The following GABBR2 variants were observed in gnomAD, a reference collection of about 807,000 sequenced individuals.
The protein encoded by GABBR2 is gamma-aminobutyric acid type B receptor subunit 2, also known as G-protein coupled receptor 51.
A neutral mutation model predicts 105.6 loss-of-function variants in GABBR2; 23 were observed. That is an observed-to-expected ratio of 0.22 (90% confidence interval 0.16 to 0.31). The LOEUF (loss-of-function observed/expected upper bound fraction) is 0.31, where lower values mean the gene tolerates loss of function less well. Among genes scored for constraint, GABBR2 ranks in the 10% least tolerant of loss-of-function variants. The pLI is 1.00. For synonymous variants in GABBR2, 478 were observed against 499.7 expected (o/e 0.96, Z 0.58); for missense variants, 734 against 1,245.5 (o/e 0.59, Z 6.18).
chr9:98,366,283 C>T (rs1191614308), intron 12 of GABBR2, among the ~76,000 whole-genome samples: 1 of 152,130 alleles, frequency 6.6e-6, no homozygotes, highest in Non-Finnish European at 1.5e-5. Context: ...ACTGACTTGG[C>T]CCACCATCTA....
intron 13 of GABBR2, among the ~76,000 whole-genome samples, chr9:98,352,439 G>A (rs928598817): frequency 1.3e-5 from 2 of 152,168 alleles, no homozygotes; most frequent in Admixed American, 1.3e-4. Flanking sequence ...TGGAGGGCTG[G>A]GAAGGCCAGC....
At chr9:98,662,272 C>G (rs1301983379) in intron 1 of GABBR2, among the ~76,000 whole-genome samples, 1 of 152,148 alleles carries the variant, frequency 6.6e-6, no homozygotes, top group Non-Finnish European at 1.5e-5. Flanking sequence ...TGAAATTGTT[C>G]AAACTTTCAC....
At chr9:98,672,406 A>G (rs1223299428) in intron 1 of GABBR2, among the ~76,000 whole-genome samples, 2 of 152,244 alleles carry the variant, frequency 1.3e-5, no homozygotes, top group Admixed American at 1.3e-4. Context: ...AAGTGAGAAC[A>G]CAGAAATATT....
chr9:98,496,327 C>T, intron 4 of GABBR2, 86 bp downstream of exon 4: 1 of 861,178 alleles, frequency 1.2e-6, no homozygotes, highest in East Asian at 2.4e-5. Flanking sequence ...CCAGACCAAA[C>T]TTGAGGCTCT....
At chr9:98,504,442 G>A (rs1361648812) in intron 3 of GABBR2, among the ~76,000 whole-genome samples, 3 of 152,198 alleles carry the variant, frequency 2.0e-5, no homozygotes, top group Non-Finnish European at 4.4e-5. Context: ...TACTGCACCA[G>A]CAGAGGAACC....
At chr9:98,612,699 A>T (rs1829521937) in intron 1 of GABBR2, among the ~76,000 whole-genome samples, 1 of 152,220 alleles carries the variant, frequency 6.6e-6, no homozygotes, top group Admixed American at 6.5e-5. Flanking sequence ...AAGACATAGC[A>T]TTACTCAAAA....
intron 17 of GABBR2, among the ~76,000 whole-genome samples, chr9:98,294,497 CTT>C (rs1054724028): frequency 6.9e-6 from 1 of 144,794 alleles, no homozygotes. Flanking sequence ...ACCTCGGCAT[CTT>C]TTTTTTTTTT....
chr9:98,316,604 C>T (rs1830722951), intron 13 of GABBR2, among the ~76,000 whole-genome samples: 1 of 152,212 alleles, frequency 6.6e-6, no homozygotes, highest in African/African-American at 2.4e-5. Context: ...TAGACAAGAG[C>T]CCTGTCCTCA....
chr9:98,519,438 C>T (rs1184147520), intron 3 of GABBR2, among the ~76,000 whole-genome samples: 7 of 152,346 alleles, frequency 4.6e-5, no homozygotes, highest in South Asian at 2.1e-4. Context: ...TCTGCACATC[C>T]GTGATAGACG....
chr9:98,355,490 A>ATAC (rs1831468822), intron 13 of GABBR2, among the ~76,000 whole-genome samples: 1 of 152,264 alleles, frequency 6.6e-6, no homozygotes, highest in Non-Finnish European at 1.5e-5. Flanking sequence ...CACCCAAATG[A>ATAC]AATGAAATAG....
intron 6 of GABBR2, among the ~76,000 whole-genome samples, chr9:98,464,288 G>T (rs867559779): frequency 2.7e-5 from 4 of 148,756 alleles, no homozygotes; most frequent in African/African-American, 1.0e-4. Context: ...CGGCCGCCCC[G>T]TCTGGGAGGA....
At chr9:98,531,506 G>A (rs1828066777) in intron 3 of GABBR2, among the ~76,000 whole-genome samples, 1 of 152,204 alleles carries the variant, frequency 6.6e-6, no homozygotes, top group African/African-American at 2.4e-5. Context: ...AGCCACCACT[G>A]AGCAAAACAT....
At chr9:98,406,658 C>T (rs1224336743) in intron 7 of GABBR2, among the ~76,000 whole-genome samples, 2 of 152,310 alleles carry the variant, frequency 1.3e-5, no homozygotes, top group East Asian at 1.9e-4. Context: ...TGAATGGTGA[C>T]GTCAGTCCCA....
rs117268334 is a variant in GABBR2 at position 98,671,645 on chromosome 9, C to T, written c.321+36772G>A. On this transcript the variant is annotated intron_variant, in intron 1 of 18. Coordinates refer to ENST00000259455, the MANE Select transcript of GABBR2 (RefSeq NM_005458.8). Reference sequence around the variant, plus strand: ...CGGTTCCAGTCTCTCTACATCCTCACCAGCACTTGTTATTATCTGACTTTG... The same window carrying T: ...CGGTTCCAGTCTCTCTACATCCTCATCAGCACTTGTTATTATCTGACTTTG... 2.2e-4 allele frequency among the ~76,000 whole-genome samples: 34 copies of T among 152,296 alleles called. No homozygotes were observed. The East Asian group carries it at 2.9e-3, about 13-fold the overall frequency.
chr9:98,346,386 T>G (rs1831304153), intron 13 of GABBR2, among the ~76,000 whole-genome samples: 1 of 152,236 alleles, frequency 6.6e-6, no homozygotes, highest in Non-Finnish European at 1.5e-5. Flanking sequence ...CCACTTTCTT[T>G]GCTTTTCCAT....
intron 7 of GABBR2, among the ~76,000 whole-genome samples, chr9:98,436,060 C>A (rs1422840406): frequency 2.0e-5 from 3 of 151,300 alleles, no homozygotes; most frequent in South Asian, 2.1e-4. Flanking sequence ...CCACCCCTAT[C>A]CTCCTCATAC....
intron 4 of GABBR2, among the ~76,000 whole-genome samples, chr9:98,483,412 C>T (rs1428857708): frequency 6.6e-6 from 1 of 152,106 alleles, no homozygotes. Context: ...AGGGTTCATT[C>T]CTAGATTCAA....
chr9:98,602,301 G>A (rs994183127), intron 1 of GABBR2, among the ~76,000 whole-genome samples: 3 of 151,502 alleles, frequency 2.0e-5, no homozygotes, highest in Non-Finnish European at 4.4e-5. Flanking sequence ...GTGAAACTCC[G>A]TCTCTACTAA....
chr9:98,304,438 C>G (rs1830518383), intron 15 of GABBR2: 1 of 152,398 alleles, frequency 6.6e-6, no homozygotes, highest in Non-Finnish European at 1.5e-5. Flanking sequence ...TTGGGCGTAA[C>G]AGAGCAGAGT....
Sources: allele counts gnomAD v4.1 joint callset (sites outside exome capture counted in the v4.1 genomes callset), GRCh38; gene constraint gnomAD v4.1.1; transcripts MANE v1.5; gene names NCBI Gene and HGNC (gene_info 2026-07-23, HGNC 2026-07-21).